Variants in LRMDA observed in about 807,000 individuals in gnomAD.
LRMDA encodes leucine rich melanocyte differentiation associated.
A neutral mutation model predicts 29.8 loss-of-function variants in LRMDA; 18 were observed. The observed-to-expected ratio is 0.60, with a 90% CI of 0.42 to 0.90. LRMDA has a LOEUF of 0.90. LRMDA is among the 40% of genes least tolerant of loss of function. LRMDA has a pLI of 0.00. For synonymous variants in LRMDA, 125 were observed against 109.4 expected (o/e 1.14, Z -0.89); for missense variants, 273 against 273.9 (o/e 1.00, Z 0.02).
intron 5 of LRMDA, among the ~76,000 whole-genome samples, chr10:76,281,864 T>C (rs1227645377): frequency 1.3e-5 from 2 of 152,168 alleles, no homozygotes; most frequent in Non-Finnish European, 2.9e-5. Flanking sequence ...TGGCCTGTTA[T>C]TGTCTTCCTG....
chr10:75,634,164 A>G (rs1841361751), intron 2 of LRMDA, among the ~76,000 whole-genome samples: 1 of 152,208 alleles, frequency 6.6e-6, no homozygotes, highest in South Asian at 2.1e-4. Context: ...CTTTACCTCA[A>G]ATCAAAAGCA....
At chr10:76,031,712 C>T (rs1445552010) in intron 2 of LRMDA, among the ~76,000 whole-genome samples, 1 of 152,088 alleles carries the variant, frequency 6.6e-6, no homozygotes, top group East Asian at 1.9e-4. Context: ...ACTTCCATGG[C>T]CACACCATTT....
intron 5 of LRMDA, among the ~76,000 whole-genome samples, chr10:76,070,729 A>G (rs1244830556): frequency 7.9e-6 from 1 of 127,256 alleles, no homozygotes; most frequent in Non-Finnish European, 1.9e-5. Flanking sequence ...TGAGACATCT[A>G]CTTCCTAGTA....
intron 6 of LRMDA, among the ~76,000 whole-genome samples, chr10:76,519,046 C>A (rs1458007775): frequency 2.0e-5 from 3 of 152,008 alleles, no homozygotes; most frequent in African/African-American, 7.2e-5. Flanking sequence ...TGGTGGTTTA[C>A]ATGTGTAATC....
intron 2 of LRMDA, among the ~76,000 whole-genome samples, chr10:76,014,126 TTATA>T (rs374052789): frequency 1.6e-3 from 105 of 67,274 alleles, no homozygotes; most frequent in African/African-American, 4.7e-3. Context: ...ATATATATAA[TTATA>T]TATATATATA....
At chr10:75,681,781 T>C (rs546994198) in intron 2 of LRMDA, among the ~76,000 whole-genome samples, 1 of 152,356 alleles carries the variant, frequency 6.6e-6, no homozygotes, top group African/African-American at 2.4e-5. Context: ...GACTGTTTGC[T>C]GAACAATATG....
At chr10:75,933,886 C>T (rs1846244362) in intron 2 of LRMDA, among the ~76,000 whole-genome samples, 1 of 152,106 alleles carries the variant, frequency 6.6e-6, no homozygotes, top group African/African-American at 2.4e-5. Context: ...TATCTCCCTC[C>T]TAGTTGCTCA....
chr10:75,747,369 C>T (rs1006210888), intron 2 of LRMDA, among the ~76,000 whole-genome samples: 11 of 152,072 alleles, frequency 7.2e-5, no homozygotes, highest in African/African-American at 2.4e-4. Flanking sequence ...TAAATTTTGC[C>T]TCTGCATTGG....
chr10:76,124,040 T>C (rs965094316), intron 5 of LRMDA, among the ~76,000 whole-genome samples: 2 of 152,200 alleles, frequency 1.3e-5, no homozygotes, highest in Non-Finnish European at 2.9e-5. Context: ...TCTTGCTTTC[T>C]TCTACCTTGT....
chr10:76,324,398 C>A lies in LRMDA; in HGVS notation c.517-3C>A. 4 of 1,614,100 alleles carry A rather than the reference C, an allele frequency of 2.5e-6. No homozygotes were observed. Among genetic ancestry groups the A allele is most frequent in the Non-Finnish European group, 3.4e-6 (4 of 1,179,976 alleles). On this transcript the variant is annotated splice_region_variant and splice_polypyrimidine_tract_variant and intron_variant, in intron 5 of 6. Transcript: ENST00000611255. ...TCATGTTGACTTTGCTTTTGTCACA[C>A]AGGCTTCTAGTGAGGACGTTGCCAG...
intron 2 of LRMDA, among the ~76,000 whole-genome samples, chr10:75,608,542 T>A (rs1225493882): frequency 6.6e-6 from 1 of 152,178 alleles, no homozygotes; most frequent in Non-Finnish European, 1.5e-5. Flanking sequence ...TTAATTAGTT[T>A]GACTATAATG....
At chr10:75,657,466 C>A (rs551732344) in intron 2 of LRMDA, among the ~76,000 whole-genome samples, 4 of 152,166 alleles carry the variant, frequency 2.6e-5, no homozygotes, top group Admixed American at 1.3e-4. Context: ...TACTAGAGAG[C>A]CACAGCAGCC....
intron 2 of LRMDA, among the ~76,000 whole-genome samples, chr10:75,771,061 A>C (rs1843233582): frequency 6.6e-6 from 1 of 152,174 alleles, no homozygotes; most frequent in Admixed American, 6.5e-5. Flanking sequence ...GCATGAGAAA[A>C]TGGATGATAG....
chr10:76,107,138 G>A (rs556671947), intron 5 of LRMDA, among the ~76,000 whole-genome samples: 1 of 152,196 alleles, frequency 6.6e-6, no homozygotes, highest in Non-Finnish European at 1.5e-5. Context: ...CTGATCAGTT[G>A]CTCTGGCTGG....
intron 5 of LRMDA, among the ~76,000 whole-genome samples, chr10:76,100,408 C>T (rs981857696): frequency 1.2e-4 from 18 of 152,216 alleles, no homozygotes; most frequent in Admixed American, 5.9e-4. Flanking sequence ...TACACAGGAA[C>T]GGAAGAGGCC....
At chr10:75,684,235 A>C (rs1364561518) in intron 2 of LRMDA, among the ~76,000 whole-genome samples, 1 of 152,214 alleles carries the variant, frequency 6.6e-6, no homozygotes, top group Non-Finnish European at 1.5e-5. Context: ...GGGTCCATGG[A>C]GTCTCTTTAA....
intron 6 of LRMDA, among the ~76,000 whole-genome samples, chr10:76,518,543 C>T (rs1269199941): frequency 1.3e-5 from 2 of 151,984 alleles, no homozygotes; most frequent in African/African-American, 4.8e-5. Flanking sequence ...GTTATTTTAT[C>T]TACCACTGTC....
At chr10:76,548,051 A>C (rs989993210) in intron 6 of LRMDA, among the ~76,000 whole-genome samples, 2 of 152,204 alleles carry the variant, frequency 1.3e-5, no homozygotes, top group Admixed American at 1.3e-4. Flanking sequence ...ACAGGACTGA[A>C]CAAATAAATA....
At chr10:76,044,572 C>T (rs1848398075) in intron 3 of LRMDA, among the ~76,000 whole-genome samples, 1 of 148,998 alleles carries the variant, frequency 6.7e-6, no homozygotes. Flanking sequence ...AAATAATTTT[C>T]CTGAAGAGTA....
Sources: allele counts gnomAD v4.1 joint callset (sites outside exome capture counted in the v4.1 genomes callset), GRCh38; gene constraint gnomAD v4.1.1; transcripts MANE v1.5; gene names NCBI Gene and HGNC (gene_info 2026-07-23, HGNC 2026-07-21).